The following WDHD1 variants were observed in gnomAD, a reference collection of about 807,000 sequenced individuals.
WDHD1 encodes WD repeat and HMG-box DNA binding protein 1, also known as WD repeat and HMG-box DNA-binding protein 1.
In WDHD1, 111 loss-of-function variants were observed where a neutral mutation model predicts 135.4. The ratio of observed to expected loss-of-function variants is 0.82; its 90% CI spans 0.70 to 0.96. The LOEUF (loss-of-function observed/expected upper bound fraction) is 0.96, where lower values mean the gene tolerates loss of function less well. WDHD1 is among the 40% of genes least tolerant of loss of function. The pLI is 0.00. For synonymous variants in WDHD1, 434 were observed against 439.0 expected, an observed-to-expected ratio of 0.99 and a Z score of 0.14; for missense variants, 1,351 against 1,336.3, an observed-to-expected ratio of 1.01 and a Z score of -0.17.
chr14:55,026,397 T>C (rs8018350), intron 2 of WDHD1, among the ~76,000 whole-genome samples: 1 of 152,142 alleles, frequency 6.6e-6, no homozygotes, highest in Admixed American at 6.5e-5. Flanking sequence ...AACAGGCCAC[T>C]GAATTTGACA....
At chr14:54,959,711 C>T (rs886675994) in intron 21 of WDHD1, among the ~76,000 whole-genome samples, 21 of 151,954 alleles carry the variant, frequency 1.4e-4, no homozygotes, top group African/African-American at 3.4e-4. Context: ...AAGGCTGTAG[C>T]GAGCTAGGAC....
intron 2 of WDHD1, among the ~76,000 whole-genome samples, chr14:55,023,223 C>G (rs1403112442): frequency 2.0e-5 from 3 of 152,334 alleles, no homozygotes; most frequent in African/African-American, 7.2e-5. Flanking sequence ...TTTAAGTTGT[C>G]AGATAATGAC....
intron 11 of WDHD1, among the ~76,000 whole-genome samples, chr14:54,992,523 T>TA (rs1801958311): frequency 6.6e-6 from 1 of 151,998 alleles, no homozygotes. Flanking sequence ...AGCTTTCAAT[T>TA]AAAAATTAAG....
At chr14:55,011,836 C>T (rs1207701440) in intron 3 of WDHD1, among the ~76,000 whole-genome samples, 1 of 151,864 alleles carries the variant, frequency 6.6e-6, no homozygotes, top group Non-Finnish European at 1.5e-5. Flanking sequence ...ATGGCTCCAC[C>T]AAAATTTATA....
chr14:55,004,060 C>T (rs1332490225), intron 7 of WDHD1, among the ~76,000 whole-genome samples: 1 of 152,130 alleles, frequency 6.6e-6, no homozygotes, highest in Admixed American at 6.5e-5. Context: ...ACTTTTTATA[C>T]AATCTACTTT....
intron 10 of WDHD1, among the ~76,000 whole-genome samples, chr14:54,996,320 C>T (rs1487706849): frequency 1.3e-5 from 2 of 152,158 alleles, no homozygotes; most frequent in Admixed American, 6.5e-5. Context: ...AGAAATTCTA[C>T]ATAAAGCCCC....
At position 54,995,663 on chromosome 14, in the gene WDHD1, T is replaced by G; in HGVS notation, c.1093A>C (p.Met365Leu). The stretch of plus-strand genomic sequence containing the variant: ...CGCTGTCTAGGACGACCTGAAGCCA[T>G]CATGAGGTCTTCATCATCCTCATCA... ...NDDEDDEDLMMASGRPRQRSH... is the reference protein window; with the variant it reads ...NDDEDDEDLMLASGRPRQRSH... The change falls in exon 11 of 26, where the codon ATG becomes CTG. Residue 365 changes from methionine to leucine, a missense_variant. This residue lies in a region of WDHD1 where 1,330 missense variants were observed against 1,296.1 expected (regional missense o/e 1.03). Transcript: ENST00000360586. 6.2e-7 allele frequency: 1 copy of G among 1,613,702 alleles called. No homozygotes were observed. The highest frequency in any genetic ancestry group is 8.5e-7 in the Non-Finnish European group (1 of 1,179,872).
chr14:54,973,224 C>A (rs141716711), intron 16 of WDHD1, among the ~76,000 whole-genome samples: 85 of 152,004 alleles, frequency 5.6e-4, no homozygotes, highest in African/African-American at 1.8e-3. Context: ...ATAGTATAGC[C>A]TTTTAATCAG....
chr14:54,983,072 G>A (rs1595091427), intron 15 of WDHD1, among the ~76,000 whole-genome samples: 2 of 152,270 alleles, frequency 1.3e-5, no homozygotes, highest in Admixed American at 6.5e-5. Context: ...GCTGAGGTAC[G>A]AGAATCACTT....
chr14:54,998,984 T>C (rs149936614), intron 10 of WDHD1, among the ~76,000 whole-genome samples: 199 of 152,334 alleles, frequency 1.3e-3, no homozygotes, highest in African/African-American at 4.5e-3. Flanking sequence ...TATTCCTATC[T>C]TTTTACACAT....
intron 10 of WDHD1, among the ~76,000 whole-genome samples, chr14:54,997,778 G>A (rs1181148638): frequency 6.6e-6 from 1 of 151,966 alleles, no homozygotes; most frequent in Non-Finnish European, 1.5e-5. Flanking sequence ...AGGCGTGGGG[G>A]CACAAGCCTG....
intron 4 of WDHD1, 68 bp downstream of exon 4, chr14:55,010,227 TCCTGAAAACACTAC>T: frequency 7.5e-7 from 1 of 1,334,670 alleles, no homozygotes; most frequent in Non-Finnish European, 9.8e-7. Context: ...TAAGTCACGG[TCCTGAAAACACTAC>T]CCTGAAACAA....
intron 16 of WDHD1, among the ~76,000 whole-genome samples, chr14:54,977,618 A>G (rs763530127): frequency 2.4e-4 from 36 of 152,196 alleles, no homozygotes; most frequent in Non-Finnish European, 3.7e-4. Flanking sequence ...TTCAACATTT[A>G]AAAAAGGACT....
At chr14:54,994,193 A>G (rs2041840571) in intron 11 of WDHD1, among the ~76,000 whole-genome samples, 1 of 152,218 alleles carries the variant, frequency 6.6e-6, no homozygotes, top group African/African-American at 2.4e-5. Context: ...TTAAATTACA[A>G]TCTCAATTTC....
intron 16 of WDHD1, among the ~76,000 whole-genome samples, chr14:54,969,061 C>T (rs1036264865): frequency 5.9e-5 from 9 of 151,452 alleles, no homozygotes; most frequent in African/African-American, 1.5e-4. Context: ...ATTTTTGAGA[C>T]GGAGTCTCGC....
At chr14:54,962,012 T>C (rs1345433497) in intron 21 of WDHD1, among the ~76,000 whole-genome samples, 2 of 152,156 alleles carry the variant, frequency 1.3e-5, no homozygotes, top group Non-Finnish European at 2.9e-5. Flanking sequence ...AATTTTTGTA[T>C]TTTTAGTAGA....
At chr14:55,013,194 CAAAAA>C (rs71448422) in intron 3 of WDHD1, among the ~76,000 whole-genome samples, 40 of 82,302 alleles carry the variant, frequency 4.9e-4, no homozygotes, top group South Asian at 1.1e-3. Context: ...GATCCCGTTT[CAAAAA>C]AAAAAAAAAA....
At position 55,025,616 on chromosome 14, in the gene WDHD1, A is replaced by T. The variant is rs576228992; in HGVS notation, c.77+1095T>A. Among the ~76,000 whole-genome samples, 111 of 152,336 alleles carry T rather than the reference A, an allele frequency of 7.3e-4. No individual in the cohort carries two copies. In the Middle Eastern group the frequency reaches 0.01, roughly 14 times the overall value. On this transcript the variant is annotated intron_variant, in intron 2 of 25. Transcript: ENST00000360586. ...AAACCTGATCACATCTCTCTGCTTC[A>T]AGCCTTTAATACCTTCTCAGTGCTT...
At chr14:54,988,078 A>T (rs957027885) in intron 13 of WDHD1, among the ~76,000 whole-genome samples, 1 of 152,262 alleles carries the variant, frequency 6.6e-6, no homozygotes, top group Non-Finnish European at 1.5e-5. Context: ...AAAGAAAAAC[A>T]TTCTGCACCC....
Sources: gnomAD v4.1 joint callset for allele counts (sites outside exome capture counted in the v4.1 genomes callset) on GRCh38, gnomAD v4.1.1 for gene constraint, gnomAD v4.1.1 regional missense constraint, MANE v1.5 for transcripts, NCBI Gene and HGNC (gene_info 2026-07-23, HGNC 2026-07-21) for gene names.